NXPH2: variants seen among roughly 807,000 people sequenced by gnomAD.
NXPH2 encodes neurexophilin 2, also known as neurexophilin-2.
NXPH2 carries 5 observed loss-of-function variants against 19.8 expected under a neutral mutation model. The ratio of observed to expected loss-of-function variants is 0.25; its 90% CI spans 0.13 to 0.53. The LOEUF is 0.53. Among genes scored for constraint, NXPH2 ranks in the 20% least tolerant of loss-of-function variants. The pLI is 0.96. For missense variants in NXPH2, 289 were observed against 322.8 expected (o/e 0.90, Z 0.80); for synonymous variants, 154 against 127.4 (o/e 1.21, Z -1.41).
intron 1 of NXPH2, among the ~76,000 whole-genome samples, chr2:138,742,190 C>T (rs915060509): frequency 3.9e-5 from 6 of 152,068 alleles, no homozygotes; most frequent in Non-Finnish European, 5.9e-5. Flanking sequence ...CTGGGGTGTC[C>T]GGCAGCCTCA....
At chr2:138,743,249 C>A (rs1249696212) in intron 1 of NXPH2, among the ~76,000 whole-genome samples, 4 of 135,518 alleles carry the variant, frequency 3.0e-5, no homozygotes, top group African/African-American at 9.8e-5. Flanking sequence ...CGGGTGGGAT[C>A]CACCTTAGTA....
At position 138,729,286 on chromosome 2, in the gene NXPH2, A is replaced by G. The variant is rs141658138; in HGVS notation, c.51+50905T>C. On this transcript the variant is annotated intron_variant, in intron 1 of 1. Coordinates refer to ENST00000272641, the MANE Select transcript of NXPH2 (RefSeq NM_007226.3). ...CTCATGCTATTCTCATAATAGTGAG[A>G]AAATTCTCATGAGATCTGATGGTTT... Among the ~76,000 whole-genome samples, 756 of 152,262 alleles carry G rather than the reference A, an allele frequency of 5.0e-3. 6 individuals are homozygous for G. The highest frequency in any genetic ancestry group is 0.011 in the Admixed American group (168 of 15,294).
intron 1 of NXPH2, among the ~76,000 whole-genome samples, chr2:138,710,688 C>T (rs547151356): frequency 6.6e-6 from 1 of 152,172 alleles, no homozygotes; most frequent in Admixed American, 6.5e-5. Flanking sequence ...TATAATTTAC[C>T]ACTCTCAGGC....
intron 1 of NXPH2, among the ~76,000 whole-genome samples, chr2:138,714,566 C>T (rs1171776628): frequency 6.6e-6 from 1 of 152,026 alleles, no homozygotes; most frequent in East Asian, 1.9e-4. Flanking sequence ...AGACAGGAAG[C>T]AGGCAGACTG....
rs1260342995 is a variant in NXPH2, at chr2:138,680,561, C to T, written c.52-8896G>A. ...GACAGCAAGGGGGTGAAGCAATTCACCTAGTCATAGTTCTCATAAGGTCCC... is the reference window on the plus strand; with the variant it reads ...GACAGCAAGGGGGTGAAGCAATTCATCTAGTCATAGTTCTCATAAGGTCCC... On this transcript the variant is annotated intron_variant, in intron 1 of 1. Transcript: ENST00000272641. 1.1e-4 allele frequency among the ~76,000 whole-genome samples: 17 copies of T among 152,180 alleles called. 1 individual carries two copies. The highest frequency in any genetic ancestry group is 4.4e-5 in the Non-Finnish European group (3 of 68,028).
chr2:138,700,796 G>T (rs913320885), intron 1 of NXPH2, among the ~76,000 whole-genome samples: 1 of 151,878 alleles, frequency 6.6e-6, no homozygotes, highest in Non-Finnish European at 1.5e-5. Context: ...GCTAAGACTG[G>T]TTCATTAAAA....
intron 1 of NXPH2, among the ~76,000 whole-genome samples, chr2:138,673,685 C>T (rs570799058): frequency 1.3e-5 from 2 of 149,622 alleles, no homozygotes; most frequent in African/African-American, 4.9e-5. Flanking sequence ...CAGTTTGATG[C>T]CCAGGTGGTC....
intron 1 of NXPH2, among the ~76,000 whole-genome samples, chr2:138,753,621 TA>T (rs1478721779): frequency 6.6e-6 from 1 of 152,156 alleles, no homozygotes; most frequent in African/African-American, 2.4e-5. Context: ...TAAATATTTT[TA>T]TGTGCAACCA....
At chr2:138,699,017 G>C (rs1360832075) in intron 1 of NXPH2, among the ~76,000 whole-genome samples, 1 of 151,890 alleles carries the variant, frequency 6.6e-6, no homozygotes, top group African/African-American at 2.4e-5. Flanking sequence ...AGCATACCAG[G>C]GACATGATGG....
chr2:138,707,652 C>T (rs989299789), intron 1 of NXPH2, among the ~76,000 whole-genome samples: 1 of 152,122 alleles, frequency 6.6e-6, no homozygotes, highest in Admixed American at 6.5e-5. Flanking sequence ...ATTTGGAAAG[C>T]TTTTGCCATA....
intron 1 of NXPH2, among the ~76,000 whole-genome samples, chr2:138,704,393 A>G (rs1299503413): frequency 1.3e-5 from 2 of 152,238 alleles, no homozygotes; most frequent in African/African-American, 4.8e-5. Flanking sequence ...AGTCTAAGAT[A>G]GATACTTCTG....
At position 138,671,042 on chromosome 2, in the gene NXPH2, G is replaced by C. The variant is rs556549703; in HGVS notation, c.675C>G (p.Ser225=). The change falls in exon 2 of 2, where the codon TCC becomes TCG. Residue 225 remains serine (S), a synonymous_variant. Coordinates refer to ENST00000272641, the MANE Select transcript of NXPH2 (RefSeq NM_007226.3). ...AAATGCAAATGACCTTGAAGGGCTT[G>C]GAGCACAACCAAGACACATGGCTCT... The part of the protein sequence containing the change: ...QTQSHVSWLC[S]KPFKVICIYI... 15 of 1,614,014 alleles carry C rather than the reference G, an allele frequency of 9.3e-6. No individual in the cohort carries two copies. Among genetic ancestry groups the C allele is most frequent in the Non-Finnish European group, 1.3e-5 (15 of 1,179,888 alleles).
chr2:138,670,788 T>A lies in NXPH2; in HGVS notation c.*134A>T, dbSNP rs1273693772. ...AGATGTCTCTTTTTCTTTTTTTAAA[T>A]TTGAAAACCTGATAGGGAACTATTG... On this transcript the variant is annotated 3_prime_UTR_variant, in exon 2 of 2. Coordinates refer to ENST00000272641, the MANE Select transcript of NXPH2 (RefSeq NM_007226.3). 2 of 936,234 alleles carry A rather than the reference T, an allele frequency of 2.1e-6. No individual in the cohort carries two copies. The highest frequency in any genetic ancestry group is 3.4e-5 in the Admixed American group (1 of 29,790). 58.0% of individuals were successfully genotyped at this position (936,234 alleles called of 1,614,324 possible).
intron 1 of NXPH2, among the ~76,000 whole-genome samples, chr2:138,693,737 G>A (rs1057120937): frequency 1.3e-5 from 2 of 152,112 alleles, no homozygotes; most frequent in Non-Finnish European, 2.9e-5. Context: ...TAGGCAAACC[G>A]TGGCTTGGGA....
At chr2:138,715,987 G>A (rs1037248173) in intron 1 of NXPH2, among the ~76,000 whole-genome samples, 54 of 152,086 alleles carry the variant, frequency 3.6e-4, no homozygotes, top group African/African-American at 1.2e-3. Context: ...TACATATATT[G>A]GCAATTGCCT....
chr2:138,680,464 A>G (rs1680556324), intron 1 of NXPH2, among the ~76,000 whole-genome samples: 1 of 152,212 alleles, frequency 6.6e-6, no homozygotes, highest in African/African-American at 2.4e-5. Flanking sequence ...AGGAGCCCAC[A>G]TTTGTGCTGT....
chr2:138,746,880 C>A (rs1460162569), intron 1 of NXPH2, among the ~76,000 whole-genome samples: 3 of 152,070 alleles, frequency 2.0e-5, no homozygotes, highest in Admixed American at 6.6e-5. Flanking sequence ...GGTTTTGAAG[C>A]AGAAGACAGC....
chr2:138,756,484 C>T (rs1001540224), intron 1 of NXPH2, among the ~76,000 whole-genome samples: 4 of 150,008 alleles, frequency 2.7e-5, no homozygotes, highest in East Asian at 1.9e-4. Context: ...GTTTCAAATG[C>T]GTTGGTCATG....
chr2:138,754,602 T>C (rs760116359), intron 1 of NXPH2, among the ~76,000 whole-genome samples: 13 of 152,184 alleles, frequency 8.5e-5, no homozygotes, highest in Non-Finnish European at 1.8e-4. Context: ...AAGCACAGCT[T>C]GTGTGCTTCC....
Sources: gnomAD v4.1 joint callset for allele counts (sites outside exome capture counted in the v4.1 genomes callset) on GRCh38, gnomAD v4.1.1 for gene constraint, MANE v1.5 for transcripts, NCBI Gene and HGNC (gene_info 2026-07-23, HGNC 2026-07-21) for gene names.